The following ENPEP variants were observed in gnomAD, a reference collection of about 807,000 sequenced individuals.
ENPEP encodes the protein AP-A.
ENPEP carries 103 observed loss-of-function variants against 114.5 expected under a neutral mutation model. That is an observed-to-expected ratio of 0.90 (90% confidence interval 0.77 to 1.06). The LOEUF (loss-of-function observed/expected upper bound fraction) is 1.06, where lower values mean the gene tolerates loss of function less well. ENPEP is among the 50% of genes least tolerant of loss of function. The pLI is 0.00. For missense variants in ENPEP, 1,196 were observed against 1,161.3 expected, an observed-to-expected ratio of 1.03 and a Z score of -0.43; for synonymous variants, 420 against 422.0, an observed-to-expected ratio of 1.00 and a Z score of 0.06.
In ENPEP at chr4:110,476,754, A is replaced by G. The variant is rs1724121495; in HGVS notation, c.340A>G (p.Thr114Ala). Reference protein sequence around the residue: ...LHVKPLLEEDTYTGTVSISIN... With the variant: ...LHVKPLLEEDAYTGTVSISIN... ...CGTGAAGCCCCTGTTGGAGGAGGAC[A>G]CCTACACGGGCACCGTGAGCATCTC... Residue 114 changes from threonine (T) to alanine (A), a missense_variant, in exon 1 of 20, where the codon ACC becomes GCC. Transcript: ENST00000265162. The G allele has an allele frequency of 6.2e-7, 1 of 1,614,140 alleles. No individual in the cohort carries two copies. The highest frequency in any genetic ancestry group is 8.5e-7 in the Non-Finnish European group (1 of 1,180,022).
At chr4:110,497,294 T>TA (rs1724980965) in intron 3 of ENPEP, among the ~76,000 whole-genome samples, 2 of 152,130 alleles carry the variant, frequency 1.3e-5, no homozygotes, top group Non-Finnish European at 2.9e-5. Flanking sequence ...TAGAACATTT[T>TA]AATTAGTTTT....
chr4:110,549,464 T>C, intron 15 of ENPEP, 45 bp downstream of exon 15: 1 of 1,612,712 alleles, frequency 6.2e-7, no homozygotes, highest in Non-Finnish European at 8.5e-7. Context: ...AACATTTGTT[T>C]TTTGTTTTAA....
chr4:110,506,062 G>A (rs1725358370), intron 3 of ENPEP: 1 of 152,186 alleles, frequency 6.6e-6, no homozygotes, highest in African/African-American at 2.4e-5. Context: ...AGGTTCTGGA[G>A]CTGAATAGTT....
At chr4:110,495,729 A>G (rs984515002) in intron 3 of ENPEP, among the ~76,000 whole-genome samples, 1 of 152,202 alleles carries the variant, frequency 6.6e-6, no homozygotes, top group Admixed American at 6.5e-5. Context: ...TCAAAAGTAT[A>G]CATAAATAAA....
rs1289380645 is a variant in ENPEP at position 110,549,892 on chromosome 4, T to C, written c.2501+6T>C. The C allele has an allele frequency of 8.7e-6, 14 of 1,603,046 alleles. No individual in the cohort carries two copies. Among genetic ancestry groups the C allele is most frequent in the Admixed American group, 3.5e-5 (2 of 57,146 alleles). ...AACGTTACTCTTTTGTCAAGGTAAG[T>C]TGGGCTTTTATTTCACATATATAAA... is the stretch of plus-strand genomic sequence containing the variant. On this transcript the variant is annotated splice_donor_region_variant and intron_variant, in intron 17 of 19. Transcript: ENST00000265162.
At chr4:110,505,677 A>C (rs1440739166) in intron 3 of ENPEP, among the ~76,000 whole-genome samples, 1 of 152,206 alleles carries the variant, frequency 6.6e-6, no homozygotes, top group Non-Finnish European at 1.5e-5. Flanking sequence ...AACTTACTAA[A>C]TGATTACATC....
intron 11 of ENPEP, among the ~76,000 whole-genome samples, chr4:110,538,774 T>C (rs924588241): frequency 6.6e-6 from 1 of 152,198 alleles, no homozygotes; most frequent in Non-Finnish European, 1.5e-5. Flanking sequence ...CTTACTTTCA[T>C]CTGAACACTT....
At chr4:110,484,900 A>C (rs372618804) in intron 1 of ENPEP, among the ~76,000 whole-genome samples, 4 of 148,050 alleles carry the variant, frequency 2.7e-5, no homozygotes, top group East Asian at 4.0e-4. Context: ...CCACACACGA[A>C]GATGTGTGTG....
At chr4:110,543,094 T>C (rs761010532) in intron 13 of ENPEP, 24 bp downstream of exon 13, 5 of 1,593,244 alleles carry the variant, frequency 3.1e-6, no homozygotes, top group Admixed American at 1.7e-5. Context: ...TGAGACTAAA[T>C]TACTTAAAAT....
intron 2 of ENPEP, among the ~76,000 whole-genome samples, chr4:110,489,510 A>G (rs1192576601): frequency 2.0e-5 from 3 of 152,174 alleles, no homozygotes; most frequent in Non-Finnish European, 4.4e-5. Flanking sequence ...ATACCTATGT[A>G]ACAAACCTGC....
At chr4:110,557,180 A>G (rs547156041) in intron 18 of ENPEP, among the ~76,000 whole-genome samples, 1 of 152,342 alleles carries the variant, frequency 6.6e-6, no homozygotes, top group Admixed American at 6.5e-5. Context: ...AAAGTGAAAG[A>G]ACAGTCACAG....
In ENPEP at chr4:110,542,897, A is replaced by T; in HGVS notation, c.1944+10A>T. 6.2e-7 allele frequency: 1 copy of T among 1,611,400 alleles called. No homozygotes were observed. The highest frequency in any genetic ancestry group is 8.5e-7 in the Non-Finnish European group (1 of 1,178,918). Reference sequence around the variant, plus strand: ...CTCCTTGAACCACAAGGTAAGAGATAGCAATGGTTGGAAACTTTTATTTTT... The same window carrying T: ...CTCCTTGAACCACAAGGTAAGAGATTGCAATGGTTGGAAACTTTTATTTTT... On this transcript the variant is annotated intron_variant, in intron 12 of 19. Coordinates refer to ENST00000265162, the MANE Select transcript of ENPEP (RefSeq NM_001977.4).
At chr4:110,553,479 G>A in intron 18 of ENPEP, 24 bp downstream of exon 18, 2 of 1,595,434 alleles carry the variant, frequency 1.3e-6, no homozygotes, top group Non-Finnish European at 1.7e-6. Context: ...ATGATGGTCT[G>A]CTGTTTTCTT....
chr4:110,479,821 A>T (rs769368807), intron 1 of ENPEP, among the ~76,000 whole-genome samples: 8 of 152,166 alleles, frequency 5.3e-5, no homozygotes, highest in Non-Finnish European at 1.2e-4. Context: ...GAATAAAACC[A>T]TCAAAATATT....
chr4:110,558,187 A>G (rs1727551669), intron 18 of ENPEP, among the ~76,000 whole-genome samples: 1 of 149,732 alleles, frequency 6.7e-6, no homozygotes, highest in South Asian at 2.1e-4. Flanking sequence ...TAATTTGCAT[A>G]AAACAAACTA....
At chr4:110,529,531 A>G (rs1304921388) in intron 10 of ENPEP, among the ~76,000 whole-genome samples, 2 of 152,176 alleles carry the variant, frequency 1.3e-5, no homozygotes, top group East Asian at 3.9e-4. Flanking sequence ...TGAAGAGAGT[A>G]ACTTTGACTT....
intron 13 of ENPEP, among the ~76,000 whole-genome samples, chr4:110,547,474 G>A (rs1727110762): frequency 6.6e-6 from 1 of 152,018 alleles, no homozygotes; most frequent in South Asian, 2.1e-4. Context: ...GTGGTTTCTT[G>A]AGAGAGTAAT....
chr4:110,485,333 T>C (rs1423496869), intron 1 of ENPEP, among the ~76,000 whole-genome samples: 3 of 152,182 alleles, frequency 2.0e-5, no homozygotes, highest in African/African-American at 7.2e-5. Flanking sequence ...AGGAAAGTTA[T>C]AAGAACGGTA....
chr4:110,546,698 T>A (rs1282047146), intron 13 of ENPEP, among the ~76,000 whole-genome samples: 1 of 152,058 alleles, frequency 6.6e-6, no homozygotes, highest in Non-Finnish European at 1.5e-5. Flanking sequence ...TTTGCAGAGA[T>A]GACCAGAGAA....
Sources: gnomAD v4.1 joint callset for allele counts (sites outside exome capture counted in the v4.1 genomes callset) on GRCh38, gnomAD v4.1.1 for gene constraint, MANE v1.5 for transcripts, NCBI Gene and HGNC (gene_info 2026-07-23, HGNC 2026-07-21) for gene names.